ASMT: variants seen among roughly 807,000 people sequenced by gnomAD.
ASMT encodes acetylserotonin N-methyltransferase.
ASMT carries 53 observed loss-of-function variants against 41.3 expected under a neutral mutation model. The ratio of observed to expected loss-of-function variants is 1.28; its 90% CI spans 1.03 to 1.61. The LOEUF is 1.61. Ranked by LOEUF, ASMT falls within the 40% of genes most tolerant of loss-of-function variation. The pLI, the probability that ASMT is intolerant of heterozygous loss-of-function variation, is 0.00. For missense variants in ASMT, 531 were observed against 441.3 expected (o/e 1.20, Z -1.82); for synonymous variants, 231 against 184.8 (o/e 1.25, Z -2.03).
intron 1 of ASMT, among the ~76,000 whole-genome samples, chrX:1,617,717 G>A (rs1934189724): frequency 6.6e-6 from 1 of 151,490 alleles, no homozygotes; most frequent in African/African-American, 2.4e-5. Context: ...CCGGGTTCAA[G>A]CGATTCTCCT....
chrX:1,633,011 A>G, intron 6 of ASMT, 139 bp from the exon 7 acceptor site: 1 of 888,972 alleles, frequency 1.1e-6, no homozygotes, highest in Middle Eastern at 3.0e-4. Context: ...AAAGTATAAT[A>G]AAAAGAAAAA....
chrX:1,619,521 T>C (rs1189797495), intron 1 of ASMT, among the ~76,000 whole-genome samples: 1 of 147,848 alleles, frequency 6.8e-6, no homozygotes, highest in Non-Finnish European at 1.5e-5. Context: ...AACCTGCACG[T>C]TCTGCACATG....
At chrX:1,640,439 C>A (rs1265576497) in intron 8 of ASMT, among the ~76,000 whole-genome samples, 1 of 36,636 alleles carries the variant, frequency 2.7e-5, no homozygotes. Flanking sequence ...AGGATGTGGG[C>A]ACAGCCTCTG....
intron 8 of ASMT, among the ~76,000 whole-genome samples, chrX:1,642,378 C>T (rs1186137886): frequency 2.0e-5 from 3 of 150,374 alleles, no homozygotes; most frequent in African/African-American, 7.3e-5. Context: ...TCCCAGTGTC[C>T]TGTGAGGTCC....
At position 1,641,434 on chromosome X, in the gene ASMT, G is replaced by A. The variant is rs113104466; in HGVS notation, c.911-1369G>A. The stretch of plus-strand genomic sequence containing the variant: ...GGTCCATGAGGATGTGGACACAGCC[G>A]CTCTGTGTGTGATGGGGACAGTGTC... On this transcript the variant is annotated intron_variant, in intron 8 of 8. Coordinates refer to ENST00000381241, the MANE Select transcript of ASMT (RefSeq NM_001171038.2). Among the ~76,000 whole-genome samples, 286 of 128,450 alleles carry A rather than the reference G, an allele frequency of 2.2e-3. 10 individuals are homozygous for A. Among genetic ancestry groups the A allele is most frequent in the Non-Finnish European group, 3.3e-3 (203 of 60,820 alleles). 84.3% of individuals were successfully genotyped at this position (128,450 alleles called of 152,430 possible).
chrX:1,627,660 AAAT>A, intron 3 of ASMT, 40 bp from the exon 4 acceptor site: 1 of 1,442,436 alleles, frequency 6.9e-7, no homozygotes, highest in South Asian at 1.1e-5. Flanking sequence ...AAATGAAATG[AAAT>A]GAAATGAAAT....
intron 5 of ASMT, among the ~76,000 whole-genome samples, 189 bp from the exon 6 acceptor site, chrX:1,632,515 C>T (rs190853595): frequency 4.9e-4 from 74 of 152,020 alleles, no homozygotes; most frequent in Non-Finnish European, 2.4e-4. Context: ...ATTAGCTGGG[C>T]GTGGTGGCGG....
At position 1,629,820 on chromosome X, in the gene ASMT, G is replaced by C; in HGVS notation, c.444-1G>C. On this transcript the variant is annotated splice_acceptor_variant, in intron 4 of 8. Transcript: ENST00000381241. LOFTEE classifies it high-confidence loss of function. Reference sequence around the variant, plus strand: ...TTGACAAGCGTGGTTTTGCATGCCAGGTCCGAGGGCGAGCGGCTACAGTTC... The same window carrying C: ...TTGACAAGCGTGGTTTTGCATGCCACGTCCGAGGGCGAGCGGCTACAGTTC... The C allele has an allele frequency of 3.7e-6, 6 of 1,613,912 alleles. No individual in the cohort carries two copies. The highest frequency in any genetic ancestry group is 1.1e-5 in the South Asian group (1 of 91,070).
intron 4 of ASMT, among the ~76,000 whole-genome samples, chrX:1,629,024 TTCCC>T (rs200501564): frequency 2.0e-5 from 3 of 148,008 alleles, no homozygotes; most frequent in Admixed American, 6.8e-5. Flanking sequence ...CCTTCCTTCC[TTCCC>T]TCCCTCCCTC....
chrX:1,623,019 G>T, intron 1 of ASMT, 120 bp from the exon 2 acceptor site: 1 of 891,376 alleles, frequency 1.1e-6, no homozygotes, highest in Non-Finnish European at 1.7e-6. Context: ...ATAAATAAAT[G>T]AATAAGAATA....
intron 3 of ASMT, among the ~76,000 whole-genome samples, chrX:1,626,766 G>A (rs1192256225): frequency 5.9e-5 from 9 of 152,176 alleles, no homozygotes; most frequent in East Asian, 5.8e-4. Flanking sequence ...GGTGGCTCAC[G>A]CCTGTAATCC....
In ASMT at chrX:1,642,953, T is replaced by C. The variant is rs1185462362; in HGVS notation, c.1061T>C (p.Phe354Ser). Residue 354 changes from phenylalanine (F) to serine (S), a missense_variant, in exon 9 of 9, where the codon TTC becomes TCC. By Grantham distance (155) the Phe-to-Ser change is radical. Coordinates refer to ENST00000381241, the MANE Select transcript of ASMT (RefSeq NM_001171038.2). ...HYHMLLSSAG[F>S]RDFQFKKTGA... ...CACATGCTCCTCTCTTCTGCTGGCT[T>C]CAGAGACTTCCAGTTTAAGAAAACA... 1 of 1,613,858 alleles carries C rather than the reference T, an allele frequency of 6.2e-7. No individual in the cohort carries two copies. Among genetic ancestry groups the C allele is most frequent in the Non-Finnish European group, 8.5e-7 (1 of 1,179,874 alleles).
At chrX:1,620,634 A>G (rs1934304141) in intron 1 of ASMT, among the ~76,000 whole-genome samples, 1 of 152,110 alleles carries the variant, frequency 6.6e-6, no homozygotes. Flanking sequence ...TACAACCTTC[A>G]TAAGAAAAAC....
rs199842519 is a variant in ASMT, at chrX:1,629,879, G to A, written c.502G>A (p.Gly168Arg). ...QALQEVWSVN[G>R]RSVLTAFDLS... The stretch of plus-strand genomic sequence containing the variant: ...TCTGCAGGAGGTCTGGAGCGTCAAC[G>A]GGAGAAGCGTGCTGACCGCCTTTGA... Residue 168 changes from glycine to arginine, a missense_variant, in exon 5 of 9, where the codon GGG becomes AGG. Gly to Arg is a moderately radical substitution (Grantham distance 125, BLOSUM62 -2). Transcript: ENST00000381241. The A allele has an allele frequency of 2.0e-5, 33 of 1,613,844 alleles. No homozygotes were observed. The highest frequency in any genetic ancestry group is 2.2e-5 in the East Asian group (1 of 44,898).
chrX:1,625,771 G>C (rs758816830), intron 3 of ASMT, among the ~76,000 whole-genome samples: 1 of 151,370 alleles, frequency 6.6e-6, no homozygotes, highest in Admixed American at 6.6e-5. Flanking sequence ...TGGCTAACAC[G>C]GTGAAACCCC....
intron 7 of ASMT, among the ~76,000 whole-genome samples, chrX:1,635,830 C>G (rs1176917617): frequency 2.0e-5 from 3 of 151,662 alleles, no homozygotes; most frequent in African/African-American, 4.8e-5. Context: ...CCCTTGCACT[C>G]CAGCCTGGGC....
chrX:1,625,030 G>A (rs62593336), intron 3 of ASMT, among the ~76,000 whole-genome samples: 11 of 151,098 alleles, frequency 7.3e-5, no homozygotes, highest in African/African-American at 2.2e-4. Context: ...CAGGACTACC[G>A]CCAGGGGCTG....
At chrX:1,629,024 T>C (rs113568514) in intron 4 of ASMT, among the ~76,000 whole-genome samples, 3 of 148,010 alleles carry the variant, frequency 2.0e-5, no homozygotes, top group African/African-American at 7.5e-5. Context: ...CCTTCCTTCC[T>C]TCCCTCCCTC....
chrX:1,631,121 A>G (rs1468136612), intron 5 of ASMT, among the ~76,000 whole-genome samples: 7 of 150,446 alleles, frequency 4.7e-5, no homozygotes, highest in African/African-American at 1.5e-4. Flanking sequence ...TCTCCGTGTT[A>G]GCCAGGATGG....
Sources: allele counts gnomAD v4.1 joint callset (sites outside exome capture counted in the v4.1 genomes callset), GRCh38; gene constraint gnomAD v4.1.1; transcripts MANE v1.5; gene names NCBI Gene and HGNC (gene_info 2026-07-23, HGNC 2026-07-21).